The following RBM26 variants were observed in gnomAD, a reference collection of about 807,000 sequenced individuals.
The protein encoded by RBM26 is RNA binding motif protein 26.
In RBM26, 30 loss-of-function variants were observed where a neutral mutation model predicts 123.6. The observed-to-expected ratio is 0.24, with a 90% CI of 0.18 to 0.33. The LOEUF (loss-of-function observed/expected upper bound fraction) is 0.33. Ranked by LOEUF, RBM26 falls within the 10% of genes least tolerant of loss-of-function variation. The pLI is 1.00. For synonymous variants in RBM26, 400 were observed against 404.4 expected (o/e 0.99, Z 0.13); for missense variants, 947 against 1,203.6 (o/e 0.79, Z 3.15).
chr13:79,345,046 A>T (rs2072079978), intron 14 of RBM26, among the ~76,000 whole-genome samples: 1 of 152,178 alleles, frequency 6.6e-6, no homozygotes, highest in African/African-American at 2.4e-5. Context: ...AAACATGAAA[A>T]TGTCAAAAAG....
intron 18 of RBM26, among the ~76,000 whole-genome samples, chr13:79,340,556 C>A (rs1402554525): frequency 6.6e-6 from 1 of 151,910 alleles, no homozygotes; most frequent in Non-Finnish European, 1.5e-5. Context: ...CCTCTTTTTG[C>A]TATTCAAAAA....
At chr13:79,337,428 G>A in intron 18 of RBM26, 126 bp from the exon 19 acceptor site, 2 of 1,088,840 alleles carry the variant, frequency 1.8e-6, no homozygotes, top group Middle Eastern at 2.1e-4. Flanking sequence ...CCTATAAAAG[G>A]ATCACATAAT....
intron 1 of RBM26, chr13:79,389,572 T>A (rs1403403616): frequency 6.6e-6 from 1 of 152,214 alleles, no homozygotes; most frequent in Non-Finnish European, 1.5e-5. Flanking sequence ...CCAAGCCTAA[T>A]CCTGCTTGCC....
intron 13 of RBM26, among the ~76,000 whole-genome samples, 178 bp from the exon 14 acceptor site, chr13:79,353,402 A>C (rs796510963): frequency 3.5e-4 from 53 of 152,322 alleles, no homozygotes; most frequent in African/African-American, 1.3e-3. Context: ...AAACAAAAAT[A>C]AACAGTATGC....
At position 79,323,147 on chromosome 13, in the gene RBM26, G is replaced by A. The variant is rs947369008; in HGVS notation, c.2821-685C>T. Among the ~76,000 whole-genome samples, 5 of 151,578 alleles carry A rather than the reference G, an allele frequency of 3.3e-5. No individual in the cohort carries two copies. In the East Asian group the frequency reaches 7.7e-4, roughly 23 times the overall value. ...AAACGTGAACTTAAAAAATAGTCAT[G>A]TCTAAGTACTTGCTATATTAAGTGG... On this transcript the variant is annotated intron_variant, in intron 20 of 21. Coordinates refer to ENST00000438737, the MANE Select transcript of RBM26 (RefSeq NM_001366735.2).
downstream of RBM26, chr13:79,314,851 G>A: frequency 1.9e-6 from 1 of 536,778 alleles, no homozygotes; most frequent in East Asian, 7.0e-5. Context: ...GCTAATTATA[G>A]TACATGTAAA....
rs1474970850 is a variant in RBM26 at position 79,319,165 on chromosome 13, G to A, written c.*1456C>T. 2 of 984,504 alleles carry A rather than the reference G, an allele frequency of 2.0e-6. No individual in the cohort carries two copies. Among genetic ancestry groups the A allele is most frequent in the South Asian group, 4.7e-5 (1 of 21,282 alleles). 61.0% of individuals were successfully genotyped at this position (984,504 alleles called of 1,614,324 possible). A position where few individuals can be genotyped will look rare whatever the true frequency, so the allele number is the denominator to read the frequency against. On this transcript the variant is annotated 3_prime_UTR_variant, in exon 22 of 22. Coordinates refer to ENST00000438737, the MANE Select transcript of RBM26 (RefSeq NM_001366735.2). ...TGTATGGGGAAGAAGAAAAAGAACA[G>A]CATCCTTAAGTTACTCCACTGGCAG...
In RBM26 at chr13:79,361,000, T is replaced by A. The variant is rs150322312; in HGVS notation, c.1418-1314A>T. Among the ~76,000 whole-genome samples the A allele has an allele frequency of 6.4e-4, 98 of 152,230 alleles. 1 individual carries two copies. Among genetic ancestry groups the A allele is most frequent in the African/African-American group, 2.3e-3 (95 of 41,556 alleles). ...ACTGAAGATCTGTTTCAGCACAATA[T>A]CTCTCATGGCCACAGCTATGGTCTC... On this transcript the variant is annotated intron_variant, in intron 9 of 21. Transcript: ENST00000438737.
chr13:79,348,119 C>T (rs923778554), intron 14 of RBM26, among the ~76,000 whole-genome samples: 1 of 152,004 alleles, frequency 6.6e-6, no homozygotes, highest in African/African-American at 2.4e-5. Context: ...TACTACCTGG[C>T]CATGAATGAT....
In RBM26 at chr13:79,319,306, A is replaced by G. The variant is rs189785491; in HGVS notation, c.*1315T>C. The G allele has an allele frequency of 5.4e-3, 5,320 of 982,616 alleles. 16 individuals carry two copies. Among genetic ancestry groups the G allele is most frequent in the Admixed American group, 0.01 (168 of 16,138 alleles). The allele number at this position is 982,616 out of a possible 1,614,324, so 60.9% of individuals were successfully genotyped here. A position where few individuals can be genotyped will look rare whatever the true frequency, so the allele number is the denominator to read the frequency against. On this transcript the variant is annotated 3_prime_UTR_variant, in exon 22 of 22. Transcript: ENST00000438737. ...ATCACTATAATCTCAAGAGAGGCAG[A>G]AACACTTGCAATCAAAATGATGAAT...
chr13:79,359,769 A>C lies in RBM26; in HGVS notation c.1418-83T>G, dbSNP rs2074445946. On this transcript the variant is annotated intron_variant, in intron 9 of 21. Coordinates refer to ENST00000438737, the MANE Select transcript of RBM26 (RefSeq NM_001366735.2). The stretch of plus-strand genomic sequence containing the variant: ...TCATAGATACCTTCCTCATACAGGA[A>C]AATTTCTGGCTTTTGTCTAAATATA... The C allele has an allele frequency of 6.1e-6, 3 of 493,706 alleles. No homozygotes were observed. The Admixed American group carries it at 1.1e-4, about 18-fold the overall frequency. 30.6% of individuals were successfully genotyped at this position (493,706 alleles called of 1,614,324 possible).
Position 79,319,913 on chromosome 13 carries a change from TTC to T in RBM26, c.*706_*707del. On this transcript the variant is annotated 3_prime_UTR_variant, in exon 22 of 22. Transcript: ENST00000438737. ...TAATTTTTTTCTTTTCTTTTTTCTT[TTC>T]TTTTTTTTTTTAAATCAAGGAACAT... 1 of 943,254 alleles carries T rather than the reference TTC, an allele frequency of 1.1e-6. No individual in the cohort carries two copies. The highest frequency in any genetic ancestry group is 1.3e-6 in the Non-Finnish European group (1 of 793,922). The allele number at this position is 943,254 out of a possible 1,614,324, so 58.4% of individuals were successfully genotyped here.
intron 1 of RBM26, among the ~76,000 whole-genome samples, chr13:79,395,393 A>T (rs1260266000): frequency 6.6e-6 from 1 of 152,178 alleles, no homozygotes; most frequent in African/African-American, 2.4e-5. Flanking sequence ...GAAATAAAAA[A>T]TCTGAATCAG....
intron 14 of RBM26, among the ~76,000 whole-genome samples, chr13:79,347,560 G>A (rs1211325576): frequency 6.6e-6 from 1 of 152,136 alleles, no homozygotes; most frequent in African/African-American, 2.4e-5. Context: ...CCTAAGAACA[G>A]AGACAGTGAC....
chr13:79,350,512 T>C (rs2073071700), intron 14 of RBM26, among the ~76,000 whole-genome samples: 1 of 152,192 alleles, frequency 6.6e-6, no homozygotes, highest in African/African-American at 2.4e-5. Context: ...AAATACCTCT[T>C]GCAATATCTT....
chr13:79,340,116 G>A (rs2071113444), intron 18 of RBM26, among the ~76,000 whole-genome samples: 1 of 151,652 alleles, frequency 6.6e-6, no homozygotes, highest in African/African-American at 2.4e-5. Flanking sequence ...GCTACAATGG[G>A]AAAAACACAA....
chr13:79,402,022 C>T (rs1305433461), intron 1 of RBM26, among the ~76,000 whole-genome samples: 1 of 104,302 alleles, frequency 9.6e-6, no homozygotes, highest in Non-Finnish European at 2.0e-5. Context: ...GGTGTCTCTT[C>T]AGGAAAAAAA....
intron 20 of RBM26, among the ~76,000 whole-genome samples, chr13:79,327,193 G>C (rs2068556424): frequency 6.6e-6 from 1 of 151,302 alleles, no homozygotes; most frequent in Admixed American, 6.6e-5. Flanking sequence ...CTACTTGGGA[G>C]ACTGAGGTGG....
At chr13:79,349,165 C>T (rs1019679719) in intron 14 of RBM26, among the ~76,000 whole-genome samples, 3 of 152,190 alleles carry the variant, frequency 2.0e-5, no homozygotes, top group African/African-American at 7.2e-5. Flanking sequence ...CTAAGTCAAG[C>T]TAATTAACAT....
Sources: allele counts gnomAD v4.1 joint callset (sites outside exome capture counted in the v4.1 genomes callset), GRCh38; gene constraint gnomAD v4.1.1; transcripts MANE v1.5; gene names NCBI Gene and HGNC (gene_info 2026-07-23, HGNC 2026-07-21).